The following PXDC1 variants were observed in gnomAD, a reference collection of about 807,000 sequenced individuals.
The protein encoded by PXDC1 is PX domain-containing protein 1.
Under a neutral mutation model 24.4 loss-of-function variants are expected in PXDC1, and 13 were observed. That is an observed-to-expected ratio of 0.53 (90% confidence interval 0.35 to 0.85). PXDC1 has a LOEUF of 0.85. Among genes scored for constraint, PXDC1 ranks in the 40% least tolerant of loss-of-function variants. The probability of loss-of-function intolerance (pLI) is 0.01; values close to 1 mark genes in which losing one functional copy is unlikely to be tolerated. For missense variants in PXDC1, 344 were observed against 309.3 expected (o/e 1.11, Z -0.84); for synonymous variants, 162 against 124.9 (o/e 1.30, Z -1.98).
intron 2 of PXDC1, 54 bp downstream of exon 2, chr6:3,738,003 G>T: frequency 7.0e-7 from 1 of 1,428,100 alleles, no homozygotes; most frequent in Non-Finnish European, 9.8e-7. Context: ...TCGCATTTGG[G>T]AGGTGCCAGC....
In PXDC1 at chr6:3,742,886, G is replaced by T. The variant is rs142165197; in HGVS notation, c.257-4738C>A. Among the ~76,000 whole-genome samples, 382 of 152,326 alleles carry T rather than the reference G, an allele frequency of 2.5e-3. 1 individual carries two copies. Among genetic ancestry groups the T allele is most frequent in the Middle Eastern group, 6.8e-3 (2 of 294 alleles). ...CAGCGTCACTTTTCTTCCTAAAGGA[G>T]TTAGGTCTCGAAAGCTGAAAACACA... On this transcript the variant is annotated intron_variant, in intron 1 of 4. Transcript: ENST00000380283.
In PXDC1 at chr6:3,727,543, A is replaced by G. The variant is rs746460697; in HGVS notation, c.578+8T>C. ...TCTATGAAACGATATTCAAATCAGC[A>G]TACTTACAAATGCTCTGTTGGGTCC... On this transcript the variant is annotated splice_region_variant and intron_variant, in intron 4 of 4. Transcript: ENST00000380283. The G allele has an allele frequency of 1.9e-6, 3 of 1,558,716 alleles. No individual in the cohort carries two copies. The South Asian group carries it at 3.3e-5, about 17-fold the overall frequency.
At chr6:3,738,725 C>A (rs1760385925) in intron 1 of PXDC1, 2 of 1,235,992 alleles carry the variant, frequency 1.6e-6, no homozygotes, top group Admixed American at 4.7e-5. Flanking sequence ...GAATCTGGGC[C>A]TCTGTGCTTC....
intron 1 of PXDC1, among the ~76,000 whole-genome samples, chr6:3,750,337 CA>C (rs1452175030): frequency 4.6e-5 from 7 of 152,312 alleles, no homozygotes; most frequent in Admixed American, 4.6e-4. Flanking sequence ...GCCACTGTCC[CA>C]ATGTTCCGAG....
chr6:3,743,067 G>T (rs1351686599), intron 1 of PXDC1, among the ~76,000 whole-genome samples: 1 of 152,166 alleles, frequency 6.6e-6, no homozygotes, highest in Non-Finnish European at 1.5e-5. Flanking sequence ...CAGAAACCTG[G>T]GTCCAGAGTC....
chr6:3,737,419 G>T lies in PXDC1; in HGVS notation c.349-223C>A, dbSNP rs999862807. ...GGCGGCTGAAAGGCAAGGCCTCAGC[G>T]ACCTGGGCAGTGGAGGGAATCATGG... On this transcript the variant is annotated intron_variant, in intron 2 of 4. Transcript: ENST00000380283. The surrounding 1 kb of genome is among the most constrained non-coding windows in gnomAD (Gnocchi z 5.5). Among the ~76,000 whole-genome samples, 1 of 152,216 alleles carries T rather than the reference G, an allele frequency of 6.6e-6. No individual in the cohort carries two copies. Among genetic ancestry groups the T allele is most frequent in the African/African-American group, 2.4e-5 (1 of 41,452 alleles).
Position 3,751,331 on chromosome 6 carries a change from C to A in PXDC1, c.201G>T (p.Leu67=). The change falls in exon 1 of 5, where the codon CTG becomes CTT. Residue 67 remains leucine, a synonymous_variant. Transcript: ENST00000380283. The part of the protein sequence containing the change: ...LADLGRLWQR[L]RDAFPEDRSE... ...ACCGGTCCTCGGGAAAGGCGTCGCG[C>A]AGGCGCTGCCACAGGCGGCCCAGGT... 1 of 1,550,970 alleles carries A rather than the reference C, an allele frequency of 6.4e-7. No individual in the cohort carries two copies. The highest frequency in any genetic ancestry group is 8.7e-7 in the Non-Finnish European group (1 of 1,152,184).
chr6:3,746,767 T>C (rs1760580683), intron 1 of PXDC1, among the ~76,000 whole-genome samples: 1 of 152,082 alleles, frequency 6.6e-6, no homozygotes, highest in South Asian at 2.1e-4. Context: ...CGGGTGGGAT[T>C]CTCCCTTATG....
rs986108380 is a variant in PXDC1, at chr6:3,724,487, A to C, written c.579-751T>G. Among the ~76,000 whole-genome samples the C allele has an allele frequency of 6.6e-6, 1 of 152,244 alleles. No individual in the cohort carries two copies. The highest frequency in any genetic ancestry group is 6.5e-5 in the Admixed American group (1 of 15,290). On this transcript the variant is annotated intron_variant, in intron 4 of 4. Coordinates refer to ENST00000380283, the MANE Select transcript of PXDC1 (RefSeq NM_183373.4). This position sits in a 1 kb window ranked among gnomAD's most constrained non-coding sequence, Gnocchi z 4.5. ...GAAAAGAGACTCCAGGTCTTTAAAA[A>C]TGCGTAACAGAGAAAAGCACAAGAA...
intron 1 of PXDC1, among the ~76,000 whole-genome samples, chr6:3,749,218 T>C (rs1380116462): frequency 6.7e-6 from 1 of 149,688 alleles, no homozygotes; most frequent in Non-Finnish European, 1.5e-5. Context: ...TGTGCCAGAC[T>C]GTCCCCAGCA....
intron 3 of PXDC1, among the ~76,000 whole-genome samples, chr6:3,735,914 T>C (rs1293328351): frequency 2.0e-5 from 3 of 151,520 alleles, no homozygotes; most frequent in African/African-American, 7.3e-5. Flanking sequence ...AACAAAAAAG[T>C]AAAAAACAAA....
Position 3,727,607 on chromosome 6 carries a change from G to A in PXDC1, c.522C>T (p.Asp174=). 2 of 1,613,922 alleles carry A rather than the reference G, an allele frequency of 1.2e-6. No individual in the cohort carries two copies. The highest frequency in any genetic ancestry group is 1.7e-6 in the Non-Finnish European group (2 of 1,179,786). Residue 174 remains aspartate (D), a synonymous_variant, in exon 4 of 5, where the codon GAC becomes GAT. Coordinates refer to ENST00000380283, the MANE Select transcript of PXDC1 (RefSeq NM_183373.4). The part of the protein sequence containing the change: ...CLANTETIVI[D]HSIPNGRDQQ... Reference sequence around the variant, plus strand: ...GGTCTCTTCCATTTGGTATACTGTGGTCAATAACTATTGTTTCGGTATTTG... The same window carrying A: ...GGTCTCTTCCATTTGGTATACTGTGATCAATAACTATTGTTTCGGTATTTG...
chr6:3,729,373 A>G (rs1326253352), intron 3 of PXDC1, among the ~76,000 whole-genome samples: 1 of 152,218 alleles, frequency 6.6e-6, no homozygotes, highest in Non-Finnish European at 1.5e-5. Context: ...TCGATTCATC[A>G]GTCAGATTCA....
At chr6:3,730,441 C>T (rs1252994415) in intron 3 of PXDC1, among the ~76,000 whole-genome samples, 1 of 151,852 alleles carries the variant, frequency 6.6e-6, no homozygotes, top group African/African-American at 2.4e-5. Flanking sequence ...TAACAGTTTA[C>T]ATTTTTATTT....
At position 3,737,791 on chromosome 6, in the gene PXDC1, C is replaced by T. The variant is rs78461842; in HGVS notation, c.348+266G>A. The T allele has an allele frequency of 3.5e-5, 20 of 574,048 alleles. No homozygotes were observed. In the East Asian group the frequency reaches 1.9e-3, roughly 54 times the overall value. 35.6% of individuals were successfully genotyped at this position (574,048 alleles called of 1,614,324 possible). A position where few individuals can be genotyped will look rare whatever the true frequency, so the allele number is the denominator to read the frequency against. On this transcript the variant is annotated intron_variant, in intron 2 of 4. Coordinates refer to ENST00000380283, the MANE Select transcript of PXDC1 (RefSeq NM_183373.4). This position sits in a 1 kb window ranked among gnomAD's most constrained non-coding sequence, Gnocchi z 5.5. The stretch of plus-strand genomic sequence containing the variant: ...CAGAGGGGATCCGCACCCTTCCACC[C>T]ATGCCTCCTTGCATCCCTCATTTTC...
At chr6:3,749,854 T>C (rs2127603164) in intron 1 of PXDC1, among the ~76,000 whole-genome samples, 1 of 152,290 alleles carries the variant, frequency 6.6e-6, no homozygotes, top group Middle Eastern at 3.4e-3. Flanking sequence ...GGGACTCCAG[T>C]GTATTTAAGC....
chr6:3,735,480 G>A (rs1276843110), intron 3 of PXDC1, among the ~76,000 whole-genome samples: 1 of 152,226 alleles, frequency 6.6e-6, no homozygotes, highest in Non-Finnish European at 1.5e-5. Context: ...GAGCCTGCAG[G>A]CATTACGTTA....
chr6:3,729,410 C>T (rs1169351971), intron 3 of PXDC1, among the ~76,000 whole-genome samples: 1 of 152,190 alleles, frequency 6.6e-6, no homozygotes, highest in Non-Finnish European at 1.5e-5. Context: ...ATTCCACCTG[C>T]CTTTCTGGAG....
intron 1 of PXDC1, among the ~76,000 whole-genome samples, chr6:3,742,406 T>C (rs1017069275): frequency 6.6e-6 from 1 of 152,230 alleles, no homozygotes; most frequent in Non-Finnish European, 1.5e-5. Flanking sequence ...ATATTGTTGA[T>C]GGCATGACAA....
Sources: gnomAD v4.1 joint callset for allele counts (sites outside exome capture counted in the v4.1 genomes callset) on GRCh38, gnomAD v4.1.1 for gene constraint, Gnocchi (gnomAD v3.1) non-coding constraint, MANE v1.5 for transcripts, NCBI Gene and HGNC (gene_info 2026-07-23, HGNC 2026-07-21) for gene names.